Variants in DRC4 observed in about 807,000 individuals in gnomAD.
DRC4 encodes GAS-11.
chr16:90,027,717 G>T, the DRC4 span: 2 of 1,614,062 alleles, frequency 1.2e-6, no homozygotes, highest in Non-Finnish European at 1.7e-6. Flanking sequence ...CATGAGCAAG[G>T]AGCAGGTGAG....
At chr16:90,035,520 G>A in the DRC4 span, 1 of 1,354,580 alleles carries the variant, frequency 7.4e-7, no homozygotes, top group South Asian at 1.2e-5. Context: ...GTTGAGGGAG[G>A]TGAGTTAGGG....
At chr16:90,038,639 G>A in the DRC4 span, among the ~76,000 whole-genome samples, 2 of 152,174 alleles carry the variant, frequency 1.3e-5, no homozygotes, top group East Asian at 1.9e-4. Context: ...GGGCTGCTCT[G>A]AGTCACACAC....
chr16:90,039,828 C>G, the DRC4 span: 1 of 193,818 alleles, frequency 5.2e-6, no homozygotes, highest in African/African-American at 2.3e-5. Context: ...GCTCCAGATC[C>G]ACCATTTGTG....
the DRC4 span, among the ~76,000 whole-genome samples, chr16:90,032,461 G>A: frequency 1.3e-5 from 2 of 151,420 alleles, no homozygotes; most frequent in Non-Finnish European, 1.5e-5. Context: ...CAGGTGAGGA[G>A]GTGTGGTACA....
chr16:90,024,153 C>A, the DRC4 span, among the ~76,000 whole-genome samples: 1 of 150,444 alleles, frequency 6.6e-6, no homozygotes, highest in African/African-American at 2.5e-5. Context: ...CACACACACA[C>A]ACACAAAATT....
the DRC4 span, among the ~76,000 whole-genome samples, chr16:90,021,246 C>A: frequency 6.6e-6 from 1 of 152,202 alleles, no homozygotes; most frequent in Admixed American, 6.5e-5. Context: ...GAGGCCTGAG[C>A]AAACCCAGCT....
chr16:90,027,089 CT>C, the DRC4 span, among the ~76,000 whole-genome samples: 1,513 of 133,494 alleles, frequency 0.011, 21 homozygotes, highest in African/African-American at 0.038. Flanking sequence ...GGTTTCCTCT[CT>C]TTTTTTTTTT....
At chr16:90,035,839 C>T in the DRC4 span, 2 of 1,536,266 alleles carry the variant, frequency 1.3e-6, no homozygotes, top group Admixed American at 3.9e-5. Flanking sequence ...GTTTCCAAGG[C>T]CAGTGGACCC....
the DRC4 span, chr16:90,019,893 C>T: frequency 5.6e-6 from 2 of 354,004 alleles, no homozygotes; most frequent in South Asian, 4.2e-5. This position sits in a 1 kb window ranked among gnomAD's most constrained non-coding sequence, Gnocchi z 6.1. Flanking sequence ...CGCGAATTAA[C>T]GCGGGGGGCG....
chr16:90,024,470 A>G, the DRC4 span, among the ~76,000 whole-genome samples: 12 of 152,326 alleles, frequency 7.9e-5, no homozygotes, highest in African/African-American at 2.4e-4. Context: ...CAGTTGAAAC[A>G]TGCATTACAT....
the DRC4 span, chr16:90,029,394 C>G: frequency 3.7e-6 from 4 of 1,081,488 alleles, no homozygotes; most frequent in Non-Finnish European, 2.5e-6. Context: ...CTGTTTTTTT[C>G]TGATTTTCCA....
the DRC4 span, among the ~76,000 whole-genome samples, chr16:90,041,058 G>A: frequency 8.5e-5 from 13 of 152,182 alleles, no homozygotes; most frequent in Non-Finnish European, 1.9e-4. Context: ...AGGTGAGGGA[G>A]TGAGGGTCCC....
the DRC4 span, among the ~76,000 whole-genome samples, chr16:90,035,336 C>G: frequency 6.6e-6 from 1 of 152,216 alleles, no homozygotes; most frequent in Non-Finnish European, 1.5e-5. Flanking sequence ...TATGCTGCTT[C>G]AGGCAGCAGT....
chr16:90,043,204 C>T, the DRC4 span: 5 of 1,611,600 alleles, frequency 3.1e-6, no homozygotes, highest in South Asian at 1.1e-5. Flanking sequence ...AGGCCCATAA[C>T]GACCTGCTGC....
the DRC4 span, chr16:90,031,517 C>A: frequency 1.3e-6 from 2 of 1,541,480 alleles, no homozygotes; most frequent in Non-Finnish European, 1.8e-6. Context: ...CCGGCCTGCA[C>A]GTGCTAACCT....
the DRC4 span, among the ~76,000 whole-genome samples, chr16:90,038,553 T>G: frequency 6.6e-6 from 1 of 152,190 alleles, no homozygotes; most frequent in African/African-American, 2.4e-5. Context: ...GATTGCTTCT[T>G]AGGAAAGCCA....
chr16:90,028,757 C>T, the DRC4 span, among the ~76,000 whole-genome samples: 2 of 152,170 alleles, frequency 1.3e-5, no homozygotes, highest in South Asian at 2.1e-4. Context: ...TGCCTGTGAG[C>T]ACCTGACATG....
the DRC4 span, chr16:90,042,959 G>A: frequency 1.8e-6 from 1 of 547,902 alleles, no homozygotes; most frequent in Non-Finnish European, 3.2e-6. Context: ...CCTGCCCTCT[G>A]CCTCCGTCTC....
the DRC4 span, chr16:90,039,838 G>A: frequency 1.0e-5 from 2 of 196,194 alleles, no homozygotes; most frequent in African/African-American, 4.5e-5. Context: ...CACCATTTGT[G>A]GGGCGGACAG....
Sources: gnomAD v4.1 joint callset for allele counts (sites outside exome capture counted in the v4.1 genomes callset) on GRCh38, gnomAD v4.1.1 for gene constraint, Gnocchi (gnomAD v3.1) non-coding constraint, MANE v1.5 for transcripts, NCBI Gene and HGNC (gene_info 2026-07-23, HGNC 2026-07-21) for gene names.